ADAMTS6: variants seen among roughly 807,000 people sequenced by gnomAD.
ADAMTS6 encodes ADAM metallopeptidase with thrombospondin type 1 motif 6.
Under a neutral mutation model 144.3 loss-of-function variants are expected in ADAMTS6, and 23 were observed. The observed-to-expected ratio is 0.16, with a 90% CI of 0.11 to 0.23. The LOEUF (loss-of-function observed/expected upper bound fraction) is 0.23. Among genes scored for constraint, ADAMTS6 ranks in the 10% least tolerant of loss-of-function variants. The pLI is 1.00. For synonymous variants in ADAMTS6, 444 were observed against 457.5 expected (o/e 0.97, Z 0.38); for missense variants, 999 against 1,379.6 (o/e 0.72, Z 4.37).
At chr5:65,201,209 T>G (rs542244895) in intron 20 of ADAMTS6, among the ~76,000 whole-genome samples, 1 of 152,232 alleles carries the variant, frequency 6.6e-6, no homozygotes, top group East Asian at 1.9e-4. Flanking sequence ...GGGGTGGTGA[T>G]GGTTCAAGTG....
At chr5:65,311,678 A>G (rs1214459599) in intron 9 of ADAMTS6, among the ~76,000 whole-genome samples, 1 of 152,042 alleles carries the variant, frequency 6.6e-6, no homozygotes, top group Non-Finnish European at 1.5e-5. Context: ...AAATAACATA[A>G]TGCATTTTGT....
At chr5:65,398,059 G>C (rs1488778355) in intron 7 of ADAMTS6, among the ~76,000 whole-genome samples, 1 of 152,038 alleles carries the variant, frequency 6.6e-6, no homozygotes, top group East Asian at 1.9e-4. Flanking sequence ...GGTCTGTCTT[G>C]GTAGCTGTTC....
At chr5:65,390,082 T>C (rs545793528) in intron 7 of ADAMTS6, among the ~76,000 whole-genome samples, 10 of 152,254 alleles carry the variant, frequency 6.6e-5, no homozygotes, top group African/African-American at 2.4e-4. Context: ...AATAAGTCAT[T>C]GAAAAAAAAC....
At chr5:65,305,919 T>C (rs1743897422) in intron 9 of ADAMTS6, among the ~76,000 whole-genome samples, 1 of 152,226 alleles carries the variant, frequency 6.6e-6, no homozygotes, top group East Asian at 1.9e-4. Flanking sequence ...GCCTGATCAC[T>C]TGTTCTTTTA....
At chr5:65,225,329 A>G (rs1757648857) in intron 16 of ADAMTS6, among the ~76,000 whole-genome samples, 1 of 152,216 alleles carries the variant, frequency 6.6e-6, no homozygotes, top group African/African-American at 2.4e-5. Flanking sequence ...ATATTTGCAG[A>G]CAAGTAGCCA....
chr5:65,210,885 G>T, intron 20 of ADAMTS6: 1 of 302,052 alleles, frequency 3.3e-6, no homozygotes, highest in South Asian at 6.7e-5. Context: ...TCTATGAGAA[G>T]CCCAAGAAAG....
chr5:65,275,361 A>G (rs1339080047), intron 11 of ADAMTS6, among the ~76,000 whole-genome samples: 5 of 42,148 alleles, frequency 1.2e-4, no homozygotes, highest in African/African-American at 2.7e-4. Flanking sequence ...AAGAGAAAGA[A>G]AGAAAGAAAG....
intron 7 of ADAMTS6, among the ~76,000 whole-genome samples, chr5:65,380,933 A>G (rs895861157): frequency 6.6e-6 from 1 of 152,218 alleles, no homozygotes; most frequent in African/African-American, 2.4e-5. Flanking sequence ...TAACAGTTGT[A>G]TAAGTATTCT....
chr5:65,317,678 C>G (rs573607656), intron 9 of ADAMTS6, among the ~76,000 whole-genome samples: 4 of 152,038 alleles, frequency 2.6e-5, no homozygotes, highest in Non-Finnish European at 5.9e-5. Context: ...GGATTAATAA[C>G]CAGAATATAT....
intron 17 of ADAMTS6, 88 bp from the exon 18 acceptor site, chr5:65,224,488 A>C: frequency 8.8e-7 from 1 of 1,134,378 alleles, no homozygotes; most frequent in Non-Finnish European, 1.3e-6. Flanking sequence ...TTTCCTTATT[A>C]TTCCATTCTC....
chr5:65,368,628 G>A (rs971269098), intron 7 of ADAMTS6, among the ~76,000 whole-genome samples: 1 of 152,132 alleles, frequency 6.6e-6, no homozygotes, highest in Non-Finnish European at 1.5e-5. Flanking sequence ...AAAGCAACAC[G>A]AAAAAGAATG....
chr5:65,368,786 G>A (rs1750545917), intron 7 of ADAMTS6, among the ~76,000 whole-genome samples: 2 of 152,194 alleles, frequency 1.3e-5, no homozygotes, highest in South Asian at 4.1e-4. Flanking sequence ...CAGGCTTGGT[G>A]GCTCACACCT....
intron 14 of ADAMTS6, among the ~76,000 whole-genome samples, chr5:65,243,045 T>C (rs1263046302): frequency 6.6e-6 from 1 of 152,148 alleles, no homozygotes; most frequent in Non-Finnish European, 1.5e-5. Flanking sequence ...CAAAGAATTA[T>C]AAAGCTCATA....
intron 7 of ADAMTS6, among the ~76,000 whole-genome samples, chr5:65,356,564 C>T (rs1749345690): frequency 6.6e-6 from 1 of 151,928 alleles, no homozygotes; most frequent in Non-Finnish European, 1.5e-5. Flanking sequence ...AAGAGCCATG[C>T]TTTTCAGTTC....
At chr5:65,451,353 A>G in intron 7 of ADAMTS6, 122 bp downstream of exon 7, 1 of 1,066,346 alleles carries the variant, frequency 9.4e-7, no homozygotes, top group East Asian at 2.6e-5. Flanking sequence ...GTAGTGAAAA[A>G]TAAATTACCA....
chr5:65,169,640 T>G (rs1218839056), intron 24 of ADAMTS6, among the ~76,000 whole-genome samples: 2,830 of 147,692 alleles, frequency 0.019, 68 homozygotes, highest in African/African-American at 0.071. Context: ...CCAACCCAAA[T>G]GTCCAACAAT....
chr5:65,286,293 T>G (rs981230652), intron 11 of ADAMTS6, among the ~76,000 whole-genome samples: 1 of 152,222 alleles, frequency 6.6e-6, no homozygotes, highest in Non-Finnish European at 1.5e-5. Context: ...TAATAGTTTA[T>G]GGTGAACAGA....
At chr5:65,340,096 A>G (rs1352476485) in intron 7 of ADAMTS6, among the ~76,000 whole-genome samples, 1 of 152,156 alleles carries the variant, frequency 6.6e-6, no homozygotes, top group Non-Finnish European at 1.5e-5. Flanking sequence ...GTCAAAAGTC[A>G]AAGCAAAGAA....
chr5:65,224,190 T>A, intron 18 of ADAMTS6, 130 bp downstream of exon 18: 1 of 727,834 alleles, frequency 1.4e-6, no homozygotes, highest in Non-Finnish European at 2.4e-6. Flanking sequence ...TCTATAAAAC[T>A]TAGAGCTTAC....
Sources: allele counts gnomAD v4.1 joint callset (sites outside exome capture counted in the v4.1 genomes callset), GRCh38; gene constraint gnomAD v4.1.1; transcripts MANE v1.5; gene names NCBI Gene and HGNC (gene_info 2026-07-23, HGNC 2026-07-21).